EML1: variants seen among roughly 807,000 people sequenced by gnomAD.
The protein encoded by EML1 is echinoderm microtubule-associated protein-like 1.
EML1 carries 27 observed loss-of-function variants against 110.4 expected under a neutral mutation model. The ratio of observed to expected loss-of-function variants is 0.24; its 90% CI spans 0.18 to 0.34. The LOEUF (loss-of-function observed/expected upper bound fraction) is 0.34, where lower values mean the gene tolerates loss of function less well. EML1 is among the 10% of genes least tolerant of loss of function. The probability of loss-of-function intolerance (pLI) is 1.00; values close to 1 mark genes in which losing one functional copy is unlikely to be tolerated. For synonymous variants in EML1, 344 were observed against 385.8 expected, an observed-to-expected ratio of 0.89 and a Z score of 1.27; for missense variants, 741 against 1,030.9, an observed-to-expected ratio of 0.72 and a Z score of 3.85.
chr14:99,841,098 A>T (rs2058624986), intron 1 of EML1, among the ~76,000 whole-genome samples: 1 of 152,176 alleles, frequency 6.6e-6, no homozygotes, highest in Non-Finnish European at 1.5e-5. Flanking sequence ...GAGAGGTAAC[A>T]CTTGGCCTGT....
intron 1 of EML1, among the ~76,000 whole-genome samples, chr14:99,805,314 G>A (rs1014079162): frequency 9.9e-5 from 15 of 152,178 alleles, no homozygotes; most frequent in Non-Finnish European, 1.5e-4. Flanking sequence ...TTTGAGTCGT[G>A]CCTACTTAGG....
chr14:99,766,235 C>T (rs1254396648), intron 1 of EML1, among the ~76,000 whole-genome samples: 1 of 146,020 alleles, frequency 6.8e-6, no homozygotes, highest in Non-Finnish European at 1.5e-5. Flanking sequence ...CACTCTGTTG[C>T]CCAGGCTGGA....
Position 99,878,556 on chromosome 14 carries a change from G to A in EML1, c.455G>A (p.Arg152Lys). The A allele has an allele frequency of 1.2e-6, 2 of 1,614,152 alleles. No individual in the cohort carries two copies. Among genetic ancestry groups the A allele is most frequent in the Non-Finnish European group, 1.7e-6 (2 of 1,180,010 alleles). The change falls in exon 4 of 22, where the codon AGA becomes AAA. Residue 152 changes from arginine (R) to lysine (K), a missense_variant. Arg to Lys is a conservative substitution (Grantham distance 26, BLOSUM62 2). This residue lies in a region of EML1 where 226 missense variants were observed against 255.6 expected (regional missense o/e 0.88). Coordinates refer to ENST00000262233, the MANE Select transcript of EML1 (RefSeq NM_004434.3). ...GGRRESNGDS[R>K]GNRNRTGSTS... ...CGAAGGGAAAGCAATGGGGATTCCA[G>A]AGGAAACCGGAATCGCACAGGCTCC...
chr14:99,836,263 T>C (rs943586771), intron 1 of EML1, among the ~76,000 whole-genome samples: 10 of 152,240 alleles, frequency 6.6e-5, no homozygotes, highest in Admixed American at 5.2e-4. Flanking sequence ...TAGATGTATA[T>C]GCACCTATTT....
chr14:99,878,636 T>A lies in EML1; in HGVS notation c.518+17T>A, dbSNP rs1314982798. 1 of 1,609,614 alleles carries A rather than the reference T, an allele frequency of 6.2e-7. No homozygotes were observed. The highest frequency in any genetic ancestry group is 1.3e-5 in the African/African-American group (1 of 74,850). ...CAGTGAAAGGTAAGGACGTCTTATC[T>A]CTCAGTTCCTGCTGTTCAGATATGT... is the stretch of plus-strand genomic sequence containing the variant. On this transcript the variant is annotated intron_variant, in intron 4 of 21. Coordinates refer to ENST00000262233, the MANE Select transcript of EML1 (RefSeq NM_004434.3).
intron 1 of EML1, among the ~76,000 whole-genome samples, chr14:99,740,467 A>G (rs988169721): frequency 2.6e-5 from 4 of 152,226 alleles, no homozygotes; most frequent in Admixed American, 2.0e-4. Context: ...CAACCTGTAG[A>G]GAAAAACATA....
intron 1 of EML1, chr14:99,809,575 C>T: frequency 2.2e-6 from 1 of 453,592 alleles, no homozygotes; most frequent in South Asian, 1.6e-5. Context: ...TCCATCCCAG[C>T]CCTGGGTGTA....
rs201808030 is a variant in EML1, at chr14:99,865,538, C to T, written c.275C>T (p.Pro92Leu). Residue 92 changes from proline (P) to leucine (L), a missense_variant, in exon 3 of 22, where the codon CCT (proline) becomes CTT (leucine). By Grantham distance (98) the Pro-to-Leu change is moderately conservative (BLOSUM62 -3). Around this residue, in one of 4 missense-constraint regions of EML1, gnomAD observed 226 missense variants for 255.6 expected, o/e 0.88. Coordinates refer to ENST00000262233, the MANE Select transcript of EML1 (RefSeq NM_004434.3). Reference sequence around the variant, plus strand: ...GCAAGACCACTGATGCAGACCCTGCCTTTAAGAACCACGGTCAACAATGGC... The same window carrying T: ...GCAAGACCACTGATGCAGACCCTGCTTTTAAGAACCACGGTCAACAATGGC... The part of the protein sequence containing the change: ...TKARPLMQTL[P>L]LRTTVNNGTV... 1 of 1,614,162 alleles carries T rather than the reference C, an allele frequency of 6.2e-7. No homozygotes were observed. Among genetic ancestry groups the T allele is most frequent in the Non-Finnish European group, 8.5e-7 (1 of 1,180,022 alleles).
rs187320739 is a variant in EML1, at chr14:99,788,048, G to T, written c.-27+14035G>T. On this transcript the variant is annotated intron_variant, in intron 1 of 22. Coordinates refer to the EML1 transcript ENST00000327921. ...AGAGTAAAATCAGAAGCCCCTGACA[G>T]GCTGTCCAAGGCCCGCTGCAAGCAG... 3.6e-3 allele frequency among the ~76,000 whole-genome samples: 553 copies of T among 152,186 alleles called. 8 individuals carry two copies. Among genetic ancestry groups the T allele is most frequent in the African/African-American group, 0.013 (537 of 41,512 alleles).
chr14:99,925,300 AC>A (rs2060214170), intron 17 of EML1, among the ~76,000 whole-genome samples: 1 of 135,112 alleles, frequency 7.4e-6, no homozygotes, highest in Admixed American at 8.3e-5. Context: ...TTGCTCTGTC[AC>A]CTGGGCTGGT....
intron 1 of EML1, among the ~76,000 whole-genome samples, chr14:99,744,708 C>T (rs781441324): frequency 3.9e-5 from 6 of 152,194 alleles, no homozygotes; most frequent in Admixed American, 1.3e-4. Flanking sequence ...CTCCCTCCCA[C>T]GGAGTTGCAT....
At chr14:99,923,907 G>A (rs971461988) in intron 17 of EML1, among the ~76,000 whole-genome samples, 1 of 152,148 alleles carries the variant, frequency 6.6e-6, no homozygotes, top group Non-Finnish European at 1.5e-5. Context: ...TCTCACTTCG[G>A]CCTCCCAAAG....
rs147260280 is a variant in EML1 at position 99,797,953 on chromosome 14, T to C, written c.67+4410T>C. On this transcript the variant is annotated intron_variant, in intron 1 of 21. Transcript: ENST00000262233. ...CCTCCAGCTTGAAATCTCTGCCCTG[T>C]GGGGGAAGCTGGAAAGGCTGTTCAA... Among the ~76,000 whole-genome samples, 418 of 152,176 alleles carry C rather than the reference T, an allele frequency of 2.7e-3. 1 individual carries two copies. Among genetic ancestry groups the C allele is most frequent in the African/African-American group, 9.6e-3 (398 of 41,530 alleles).
At chr14:99,750,242 G>A (rs1286693475) in intron 1 of EML1, among the ~76,000 whole-genome samples, 1 of 152,224 alleles carries the variant, frequency 6.6e-6, no homozygotes, top group African/African-American at 2.4e-5. Context: ...GGAGAAGAGC[G>A]GAGAGGCTCC....
At chr14:99,780,895 T>A (rs1462633017) in intron 1 of EML1, among the ~76,000 whole-genome samples, 1 of 152,158 alleles carries the variant, frequency 6.6e-6, no homozygotes, top group African/African-American at 2.4e-5. Flanking sequence ...CACTCTACGA[T>A]GCTCGCACAA....
rs1287877184 is a variant in EML1 at position 99,914,374 on chromosome 14, A to G, written c.1620+70A>G. The stretch of plus-strand genomic sequence containing the variant: ...TTATATCAGACCCTAATCAAGCATT[A>G]CAATCAGGTGCTTTATACTACGATA... On this transcript the variant is annotated intron_variant, in intron 14 of 21. Coordinates refer to ENST00000262233, the MANE Select transcript of EML1 (RefSeq NM_004434.3). 71 of 1,573,686 alleles carry G rather than the reference A, an allele frequency of 4.5e-5. 2 individuals are homozygous for G. In the South Asian group the frequency reaches 7.7e-4, roughly 17 times the overall value.
intron 20 of EML1, among the ~76,000 whole-genome samples, chr14:99,938,662 G>A (rs1282289114): frequency 1.3e-5 from 2 of 152,214 alleles, no homozygotes; most frequent in Non-Finnish European, 2.9e-5. Context: ...GCTCAGGGAT[G>A]CAGAGCCTGG....
At chr14:99,815,364 A>G (rs2058150381) in intron 1 of EML1, among the ~76,000 whole-genome samples, 1 of 151,888 alleles carries the variant, frequency 6.6e-6, no homozygotes, top group Non-Finnish European at 1.5e-5. Flanking sequence ...GATGGTCTCG[A>G]TCTCCTGACC....
chr14:99,895,822 G>C (rs1420830102), intron 6 of EML1, among the ~76,000 whole-genome samples: 1 of 150,620 alleles, frequency 6.6e-6, no homozygotes, highest in African/African-American at 2.4e-5. Context: ...TGTTCAAGAG[G>C]CTTAGATGGA....
Sources: gnomAD v4.1 joint callset for allele counts (sites outside exome capture counted in the v4.1 genomes callset) on GRCh38, gnomAD v4.1.1 for gene constraint, gnomAD v4.1.1 regional missense constraint, MANE v1.5 for transcripts, NCBI Gene and HGNC (gene_info 2026-07-23, HGNC 2026-07-21) for gene names.